DIABLO: variants seen among roughly 807,000 people sequenced by gnomAD.
The protein encoded by DIABLO is diablo IAP-binding mitochondrial protein.
In DIABLO, 32 loss-of-function variants were observed where a neutral mutation model predicts 31.7. That is an observed-to-expected ratio of 1.01 (90% CI 0.76 to 1.35). The LOEUF (loss-of-function observed/expected upper bound fraction) is 1.35, where lower values mean the gene tolerates loss of function less well. Ranked by LOEUF, DIABLO falls within the 40% of genes most tolerant of loss-of-function variation. The pLI is 0.00. For synonymous variants in DIABLO, 132 were observed against 103.2 expected (o/e 1.28, Z -1.69); for missense variants, 316 against 286.4 (o/e 1.10, Z -0.75).
intron 2 of DIABLO, chr12:122,218,816 G>A (rs767781205): frequency 5.7e-5 from 14 of 244,608 alleles, no homozygotes; most frequent in African/African-American, 1.4e-4. Flanking sequence ...AGTGGTGTGC[G>A]TCTTTAATCC....
rs1555243479 is a variant in DIABLO at position 122,213,507 on chromosome 12, G to GAAATA, written c.523+2980_523+2981insTATTT. Reference sequence around the variant, plus strand: ...TAACAGAGTAAGACCTTGTCTCAGGGAAAAAAAAAAAAAAAATTCCGTTTA... The same window carrying GAAATA: ...TAACAGAGTAAGACCTTGTCTCAGGGAAATAAAAAAAAAAAAAAAAATTCCGTTTA... On this transcript the variant is annotated intron_variant, in intron 5 of 5. Coordinates refer to ENST00000464942, the MANE Select transcript of DIABLO (RefSeq NM_001371333.1). 1.1e-4 allele frequency among the ~76,000 whole-genome samples: 15 copies of GAAATA among 136,580 alleles called. No individual in the cohort carries two copies. In the South Asian group the frequency reaches 3.2e-3, roughly 30 times the overall value. 89.6% of individuals were successfully genotyped at this position (136,580 alleles called of 152,430 possible).
At chr12:122,218,163 A>T in intron 3 of DIABLO, 103 bp downstream of exon 3, 3 of 1,356,742 alleles carry the variant, frequency 2.2e-6, no homozygotes, top group Non-Finnish European at 3.1e-6. Context: ...AGGCCTGGCT[A>T]TGTTTCAATC....
chr12:122,214,010 G>T (rs1954146843), intron 5 of DIABLO, among the ~76,000 whole-genome samples: 1 of 152,092 alleles, frequency 6.6e-6, no homozygotes, highest in Non-Finnish European at 1.5e-5. Context: ...GCTTGAAGCA[G>T]GGAGGTGGAG....
chr12:122,211,374 G>A (rs181790990), intron 5 of DIABLO, among the ~76,000 whole-genome samples: 2 of 152,130 alleles, frequency 1.3e-5, no homozygotes, highest in Admixed American at 6.5e-5. Flanking sequence ...ACTCCAACCC[G>A]GGTGACAGAG....
At chr12:122,219,239 AAAC>A (rs1337017039) in intron 2 of DIABLO, among the ~76,000 whole-genome samples, 3 of 152,178 alleles carry the variant, frequency 2.0e-5, no homozygotes, top group African/African-American at 7.2e-5. Context: ...CTCAAAAAAA[AAAC>A]AAAAAACCAA....
intron 5 of DIABLO, among the ~76,000 whole-genome samples, chr12:122,212,296 CTTGT>C: frequency 6.6e-6 from 1 of 152,134 alleles, no homozygotes; most frequent in Non-Finnish European, 1.5e-5. Flanking sequence ...AATTTAAAAA[CTTGT>C]TTTACACTCA....
upstream of DIABLO, chr12:122,226,304 T>C (rs757176477): frequency 8.1e-6 from 5 of 620,798 alleles, no homozygotes; most frequent in South Asian, 7.9e-5. Context: ...GCCGTGACGC[T>C]GGCGGGTGGG....
chr12:122,210,547 A>T (rs12425592), intron 5 of DIABLO, among the ~76,000 whole-genome samples: 30,825 of 150,710 alleles, frequency 0.2, 4,139 homozygotes, highest in East Asian at 0.58. Flanking sequence ...TTATTTATTT[A>T]TTTTTTTTAT....
intron 3 of DIABLO, chr12:122,217,115 A>C: frequency 2.2e-6 from 1 of 459,700 alleles, no homozygotes; most frequent in African/African-American, 2.0e-5. Flanking sequence ...AAAACAATGC[A>C]AGGGAAAACT....
intron 2 of DIABLO, chr12:122,218,743 G>A (rs1211401808): frequency 1.8e-5 from 6 of 329,140 alleles, no homozygotes; most frequent in South Asian, 1.6e-4. Flanking sequence ...AGATTGAGAC[G>A]ATCCTGGCCA....
At chr12:122,211,571 C>A (rs1391464999) in intron 5 of DIABLO, among the ~76,000 whole-genome samples, 1 of 151,872 alleles carries the variant, frequency 6.6e-6, no homozygotes, top group African/African-American at 2.4e-5. Flanking sequence ...ATTAGTTGGG[C>A]TGCTTGGGAC....
chr12:122,220,010 C>T (rs1419781407), intron 2 of DIABLO, among the ~76,000 whole-genome samples: 1 of 149,994 alleles, frequency 6.7e-6, no homozygotes, highest in Admixed American at 6.6e-5. Flanking sequence ...GTGGTTCAAT[C>T]TTGGCTCATT....
chr12:122,210,191 G>A lies in DIABLO; in HGVS notation c.524-1614C>T, dbSNP rs75005861. Among the ~76,000 whole-genome samples, 1,145 of 152,112 alleles carry A rather than the reference G, an allele frequency of 7.5e-3. 15 individuals carry two copies. Among genetic ancestry groups the A allele is most frequent in the African/African-American group, 0.026 (1,072 of 41,496 alleles). The stretch of plus-strand genomic sequence containing the variant: ...TGCTGCCCTAGTCCAGTTTGGGATC[G>A]GGGCTATGCTGGCTTCATACAGTAG... On this transcript the variant is annotated intron_variant, in intron 5 of 5. Coordinates refer to ENST00000464942, the MANE Select transcript of DIABLO (RefSeq NM_001371333.1).
In DIABLO at chr12:122,222,593, T is replaced by TAAAAAAAAAAA. The variant is rs1566028336; in HGVS notation, c.183+1918_183+1919insTTTTTTTTTTT. 3.0e-3 allele frequency: 272 copies of TAAAAAAAAAAA among 89,794 alleles called. 1 individual carries two copies. The highest frequency in any genetic ancestry group is 8.3e-3 in the African/African-American group (258 of 31,134). The allele number at this position is 89,794 out of a possible 1,614,324, so 5.6% of individuals were successfully genotyped here. On this transcript the variant is annotated intron_variant, in intron 2 of 5. Coordinates refer to ENST00000464942, the MANE Select transcript of DIABLO (RefSeq NM_001371333.1). ...TCCAAAAAAAAAAAAAAAAAAAAAT[T>TAAAAAAAAAAA]TTTGGAATCTAGAGCAGTGGTCCCC... is the stretch of plus-strand genomic sequence containing the variant.
At chr12:122,215,472 C>T (rs191362387) in intron 5 of DIABLO, among the ~76,000 whole-genome samples, 2 of 152,136 alleles carry the variant, frequency 1.3e-5, no homozygotes, top group Admixed American at 6.5e-5. Flanking sequence ...GGCGTGGTGG[C>T]GGGTGCCTGT....
chr12:122,220,906 C>G (rs1232186615), intron 2 of DIABLO: 5 of 152,242 alleles, frequency 3.3e-5, no homozygotes, highest in Admixed American at 6.6e-5. Flanking sequence ...TCTCAATATT[C>G]TGATAAGTCT....
chr12:122,220,735 A>C (rs1306425935), intron 2 of DIABLO: 1 of 152,218 alleles, frequency 6.6e-6, no homozygotes, highest in Admixed American at 6.6e-5. Context: ...TCAGAGTACA[A>C]ACACTCAGAA....
chr12:122,209,159 G>A (rs1186911485), intron 5 of DIABLO, among the ~76,000 whole-genome samples: 2 of 152,056 alleles, frequency 1.3e-5, no homozygotes, highest in Non-Finnish European at 2.9e-5. Flanking sequence ...TCAGAAGTTC[G>A]AGACCAGCCT....
At chr12:122,216,983 T>C (rs957070403) in intron 3 of DIABLO, 114 bp from the exon 4 acceptor site, 2 of 806,762 alleles carry the variant, frequency 2.5e-6, no homozygotes, top group Admixed American at 2.0e-5. Flanking sequence ...GGCTCTTCCA[T>C]CCTGCTGCCT....
Sources: gnomAD v4.1 joint callset for allele counts (sites outside exome capture counted in the v4.1 genomes callset) on GRCh38, gnomAD v4.1.1 for gene constraint, MANE v1.5 for transcripts, NCBI Gene and HGNC (gene_info 2026-07-23, HGNC 2026-07-21) for gene names.